The following DLG2 variants were observed in gnomAD, a reference collection of about 807,000 sequenced individuals.
DLG2 encodes discs large MAGUK scaffold protein 2.
Under a neutral mutation model 132.5 loss-of-function variants are expected in DLG2, and 45 were observed. That is an observed-to-expected ratio of 0.34 (90% CI 0.27 to 0.44). DLG2 has a LOEUF of 0.44. DLG2 is among the 20% of genes least tolerant of loss of function. The pLI is 1.00. For synonymous variants in DLG2, 424 were observed against 419.6 expected (o/e 1.01, Z -0.13); for missense variants, 1,045 against 1,196.9 (o/e 0.87, Z 1.87).
rs139178979 is a variant in DLG2 at position 83,603,893 on chromosome 11, G to A, written c.1940+29318C>T. Reference sequence around the variant, plus strand: ...CTAGAAGTGATTTTTTACCAGCTATGCAAGTTGCAAATATCTGTTCTCTTT... The same window carrying A: ...CTAGAAGTGATTTTTTACCAGCTATACAAGTTGCAAATATCTGTTCTCTTT... On this transcript the variant is annotated intron_variant, in intron 19 of 27. Transcript: ENST00000376104. 9.0e-4 allele frequency among the ~76,000 whole-genome samples: 137 copies of A among 152,184 alleles called. 1 individual carries two copies. The South Asian group carries it at 9.1e-3, about 10-fold the overall frequency.
chr11:83,484,394 G>A (rs1302722875), intron 21 of DLG2, among the ~76,000 whole-genome samples, 166 bp from the exon 22 acceptor site: 2 of 152,122 alleles, frequency 1.3e-5, no homozygotes, highest in Non-Finnish European at 2.9e-5. Context: ...TATTTTCAAG[G>A]AGTATAAATT....
intron 8 of DLG2, among the ~76,000 whole-genome samples, chr11:84,217,104 C>G (rs1285039194): frequency 6.6e-6 from 1 of 152,172 alleles, no homozygotes; most frequent in East Asian, 1.9e-4. Flanking sequence ...TGAATATGTT[C>G]AAACTCTCCA....
At chr11:83,670,210 G>C (rs1465628186) in intron 18 of DLG2, among the ~76,000 whole-genome samples, 1 of 152,190 alleles carries the variant, frequency 6.6e-6, no homozygotes, top group Non-Finnish European at 1.5e-5. Flanking sequence ...CTTTTCTCCA[G>C]TTAATGTGCT....
At chr11:85,557,649 C>T (rs1245974387) in intron 3 of DLG2, among the ~76,000 whole-genome samples, 1 of 151,748 alleles carries the variant, frequency 6.6e-6, no homozygotes, top group Non-Finnish European at 1.5e-5. Flanking sequence ...GAAATAAAGC[C>T]ACATACCTGC....
intron 3 of DLG2, among the ~76,000 whole-genome samples, chr11:85,529,993 T>G (rs944055545): frequency 3.3e-5 from 5 of 149,812 alleles, no homozygotes; most frequent in Admixed American, 6.7e-5. Flanking sequence ...GTTTGTTTTT[T>G]TTTTTTTTTT....
At chr11:85,322,118 T>A (rs1377931354) in intron 3 of DLG2, among the ~76,000 whole-genome samples, 1 of 152,048 alleles carries the variant, frequency 6.6e-6, no homozygotes, top group Non-Finnish European at 1.5e-5. Flanking sequence ...CCCTACTATA[T>A]CATAAATAGA....
chr11:84,127,929 T>C (rs2094252407), intron 9 of DLG2, among the ~76,000 whole-genome samples: 1 of 152,204 alleles, frequency 6.6e-6, no homozygotes, highest in Non-Finnish European at 1.5e-5. Flanking sequence ...GACTTCAACA[T>C]CTTTTGGGAG....
Position 83,963,061 on chromosome 11 carries a change from T to C in DLG2, c.1202-38A>G, listed in dbSNP as rs376791401. 18 of 1,602,526 alleles carry C rather than the reference T, an allele frequency of 1.1e-5. No individual in the cohort carries two copies. The African/African-American group carries it at 1.3e-4, about 12-fold the overall frequency. ...GGAAAAAGAGAAAAGAAACCTGTTA[T>C]GTGGGTGATTCAATGTGTCATGCTA... is the stretch of plus-strand genomic sequence containing the variant. On this transcript the variant is annotated intron_variant, in intron 13 of 27. Coordinates refer to ENST00000376104, the MANE Select transcript of DLG2 (RefSeq NM_001142699.3).
intron 7 of DLG2, among the ~76,000 whole-genome samples, chr11:84,332,854 G>C (rs1367763315): frequency 6.6e-6 from 1 of 152,182 alleles, no homozygotes; most frequent in Non-Finnish European, 1.5e-5. Context: ...CCACTGGTAT[G>C]GTTACTGTGC....
At chr11:84,603,855 T>C (rs1360546283) in intron 6 of DLG2, among the ~76,000 whole-genome samples, 1 of 151,976 alleles carries the variant, frequency 6.6e-6, no homozygotes, top group Non-Finnish European at 1.5e-5. Flanking sequence ...TCTGCTCCCA[T>C]GGAGCTTATA....
intron 7 of DLG2, among the ~76,000 whole-genome samples, chr11:84,483,669 G>T (rs55904730): frequency 0.053 from 8,143 of 152,228 alleles, 230 homozygotes; most frequent in African/African-American, 0.063. Context: ...TCTGTAGGAA[G>T]AGGGTGGATG....
intron 6 of DLG2, among the ~76,000 whole-genome samples, chr11:85,010,140 A>G (rs956978009): frequency 6.6e-6 from 1 of 152,094 alleles, no homozygotes; most frequent in Non-Finnish European, 1.5e-5. Flanking sequence ...GCAATCTGAA[A>G]TATATCTGAA....
At chr11:84,774,253 A>G (rs2069984933) in intron 6 of DLG2, among the ~76,000 whole-genome samples, 1 of 152,134 alleles carries the variant, frequency 6.6e-6, no homozygotes, top group South Asian at 2.1e-4. Context: ...CTACAGAAGA[A>G]CTACAAAATA....
At chr11:83,817,574 T>A (rs1474083586) in intron 17 of DLG2, among the ~76,000 whole-genome samples, 1 of 152,148 alleles carries the variant, frequency 6.6e-6, no homozygotes, top group Non-Finnish European at 1.5e-5. Flanking sequence ...AAACTTTTAT[T>A]ATTTAAAGGG....
At chr11:84,405,688 G>A (rs938600852) in intron 7 of DLG2, among the ~76,000 whole-genome samples, 1 of 152,166 alleles carries the variant, frequency 6.6e-6, no homozygotes, top group Non-Finnish European at 1.5e-5. Context: ...AATGAAATAT[G>A]TGAAATAATA....
intron 5 of DLG2, among the ~76,000 whole-genome samples, chr11:85,131,699 A>G (rs543956028): frequency 6.6e-6 from 1 of 152,296 alleles, no homozygotes; most frequent in Non-Finnish European, 1.5e-5. Flanking sequence ...ATGGGAAGAT[A>G]TCCATTATGA....
chr11:84,559,267 C>T (rs1045767120), intron 6 of DLG2, among the ~76,000 whole-genome samples: 2 of 152,028 alleles, frequency 1.3e-5, no homozygotes, highest in African/African-American at 4.8e-5. Flanking sequence ...AGTAAACAAA[C>T]ACTGAGTTGG....
intron 16 of DLG2, among the ~76,000 whole-genome samples, chr11:83,841,060 G>A (rs994707539): frequency 1.3e-5 from 2 of 152,084 alleles, no homozygotes; most frequent in African/African-American, 2.4e-5. Flanking sequence ...TGAGGCTAAT[G>A]ACTCTGGGTC....
chr11:84,509,731 G>A (rs978903876), intron 7 of DLG2, among the ~76,000 whole-genome samples: 3 of 152,064 alleles, frequency 2.0e-5, no homozygotes, highest in Non-Finnish European at 2.9e-5. Flanking sequence ...GAATTGAGAA[G>A]CAATTTTTTT....
Sources: gnomAD v4.1 joint callset for allele counts (sites outside exome capture counted in the v4.1 genomes callset) on GRCh38, gnomAD v4.1.1 for gene constraint, MANE v1.5 for transcripts, NCBI Gene and HGNC (gene_info 2026-07-23, HGNC 2026-07-21) for gene names.